TET1: variants seen among roughly 807,000 people sequenced by gnomAD.
TET1 encodes the protein methylcytosine dioxygenase TET1.
Under a neutral mutation model 148.7 loss-of-function variants are expected in TET1, and 13 were observed. That is an observed-to-expected ratio of 0.09 (90% CI 0.06 to 0.14). The LOEUF (loss-of-function observed/expected upper bound fraction) is 0.14. Among genes scored for constraint, TET1 ranks in the 10% least tolerant of loss-of-function variants. The pLI is 1.00. For missense variants in TET1, 2,182 were observed against 2,553.8 expected, an observed-to-expected ratio of 0.85 and a Z score of 3.14; for synonymous variants, 907 against 937.2, an observed-to-expected ratio of 0.97 and a Z score of 0.59.
intron 2 of TET1, among the ~76,000 whole-genome samples, chr10:68,595,955 TATATATACACAC>T (rs1452814261): frequency 1.0e-3 from 34 of 33,444 alleles, no homozygotes; most frequent in East Asian, 3.1e-3. Context: ...TATATATATA[TATATATACACAC>T]ACACACACAC....
intron 1 of TET1, among the ~76,000 whole-genome samples, chr10:68,568,297 C>T (rs896253282): frequency 1.4e-5 from 2 of 146,228 alleles, no homozygotes; most frequent in Non-Finnish European, 3.0e-5. Flanking sequence ...ATCTTGGCTC[C>T]CTGCAACCTC....
At chr10:68,566,166 G>T (rs2053605631) in intron 1 of TET1, among the ~76,000 whole-genome samples, 1 of 152,176 alleles carries the variant, frequency 6.6e-6, no homozygotes, top group Admixed American at 6.5e-5. Flanking sequence ...GGCATACCCA[G>T]ATTACTTGCC....
chr10:68,657,229 T>C (rs1044975434), intron 6 of TET1, among the ~76,000 whole-genome samples: 4 of 151,822 alleles, frequency 2.6e-5, no homozygotes, highest in Admixed American at 2.0e-4. Flanking sequence ...CAGGCTGGAG[T>C]GCAGTGGCGT....
chr10:68,683,824 G>GCC (rs1489643937), intron 10 of TET1, among the ~76,000 whole-genome samples: 1 of 152,204 alleles, frequency 6.6e-6, no homozygotes, highest in African/African-American at 2.4e-5. Context: ...AGGCAACTGT[G>GCC]CCAATTATCA....
Position 68,573,004 on chromosome 10 carries a change from C to T in TET1, c.666C>T (p.Arg222=). 1 of 1,614,136 alleles carries T rather than the reference C, an allele frequency of 6.2e-7. No individual in the cohort carries two copies. The highest frequency in any genetic ancestry group is 8.5e-7 in the Non-Finnish European group (1 of 1,180,030). The part of the protein sequence containing the change: ...EILPGPLEGT[R]CGEGLFSEET... ...TTCCTGGGCCACTGGAAGGGACACG[C>T]TGTGGTGAAGGACTATTCTCTGAAG... The change falls in exon 2 of 12, where the codon CGC becomes CGT. Residue 222 remains arginine (R), a synonymous_variant. Coordinates refer to ENST00000373644, the MANE Select transcript of TET1 (RefSeq NM_030625.3).
chr10:68,603,022 A>C (rs1564962485), intron 3 of TET1, among the ~76,000 whole-genome samples: 1 of 152,196 alleles, frequency 6.6e-6, no homozygotes, highest in Non-Finnish European at 1.5e-5. Flanking sequence ...AAAAAAATGA[A>C]ACCTGTGTTT....
intron 3 of TET1, among the ~76,000 whole-genome samples, chr10:68,616,002 C>T (rs572898779): frequency 6.6e-6 from 1 of 152,174 alleles, no homozygotes; most frequent in South Asian, 2.1e-4. Flanking sequence ...ATAAGGACAT[C>T]TTAGCTTACT....
intron 3 of TET1, among the ~76,000 whole-genome samples, chr10:68,637,161 G>A (rs886862646): frequency 1.3e-5 from 2 of 151,908 alleles, no homozygotes; most frequent in South Asian, 2.1e-4. Flanking sequence ...ACCATGTTCC[G>A]CTAATTTTTG....
At chr10:68,581,018 A>C (rs1285352049) in intron 2 of TET1, among the ~76,000 whole-genome samples, 1 of 152,052 alleles carries the variant, frequency 6.6e-6, no homozygotes, top group African/African-American at 2.4e-5. Flanking sequence ...TCTCGTTTGA[A>C]GGTTGCCTGT....
At chr10:68,633,686 C>T (rs959182341) in intron 3 of TET1, among the ~76,000 whole-genome samples, 1 of 152,156 alleles carries the variant, frequency 6.6e-6, no homozygotes, top group African/African-American at 2.4e-5. Flanking sequence ...TCACCTTGGC[C>T]TTCCAAAGTG....
intron 4 of TET1, among the ~76,000 whole-genome samples, chr10:68,649,123 C>T (rs954681539): frequency 1.3e-5 from 2 of 152,174 alleles, no homozygotes; most frequent in African/African-American, 2.4e-5. Flanking sequence ...CTTGCCTTGA[C>T]TTGTTATTTT....
intron 3 of TET1, among the ~76,000 whole-genome samples, chr10:68,622,192 TCC>T (rs2054382446): frequency 2.6e-4 from 30 of 115,658 alleles, no homozygotes; most frequent in Admixed American, 1.1e-3. Context: ...CTTCCTTCCT[TCC>T]TTCCTTCCTT....
rs760731863 is a variant in TET1, at chr10:68,572,689, A to G, written c.351A>G (p.Gln117=). 1.9e-6 allele frequency: 3 copies of G among 1,613,688 alleles called. No individual in the cohort carries two copies. In the African/African-American group the frequency reaches 4.0e-5, roughly 22 times the overall value. The part of the protein sequence containing the change: ...RSTSLSRRLS[Q]PPLVVAKSKK... The stretch of plus-strand genomic sequence containing the variant: ...CCTCTCTTAGCAGGCGACTCTCCCA[A>G]CCCCCACTGGTCGTAGCCAAATCCA... The change falls in exon 2 of 12, where the codon CAA becomes CAG. Residue 117 remains glutamine, a synonymous_variant. Transcript: ENST00000373644.
intron 3 of TET1, among the ~76,000 whole-genome samples, chr10:68,624,649 T>TTTCTTTCC (rs2054436951): frequency 1.8e-5 from 1 of 55,880 alleles, no homozygotes; most frequent in African/African-American, 1.1e-4. Context: ...TCTTTCTTTC[T>TTTCTTTCC]TTCTTTCTTT....
Position 68,606,089 on chromosome 10 carries a change from A to T in TET1, c.1968+5055A>T, listed in dbSNP as rs531149015. Among the ~76,000 whole-genome samples, 3 of 152,316 alleles carry T rather than the reference A, an allele frequency of 2.0e-5. 1 individual carries two copies. Among genetic ancestry groups the T allele is most frequent in the Admixed American group, 2.0e-4 (3 of 15,284 alleles). On this transcript the variant is annotated intron_variant, in intron 3 of 11. Coordinates refer to ENST00000373644, the MANE Select transcript of TET1 (RefSeq NM_030625.3). ...AATTCTATTAAGCTATAAATAGGCCAGGTTCGGTGGCTCATGTCTGTAATC... is the reference window on the plus strand; with the variant it reads ...AATTCTATTAAGCTATAAATAGGCCTGGTTCGGTGGCTCATGTCTGTAATC...
intron 3 of TET1, among the ~76,000 whole-genome samples, chr10:68,642,875 G>T (rs563887134): frequency 1.3e-5 from 2 of 152,274 alleles, no homozygotes; most frequent in East Asian, 3.9e-4. Flanking sequence ...AAAGTGCTAG[G>T]ATTACAGGTA....
At chr10:68,670,520 A>G (rs1049505059) in intron 7 of TET1, among the ~76,000 whole-genome samples, 2 of 152,192 alleles carry the variant, frequency 1.3e-5, no homozygotes, top group Non-Finnish European at 2.9e-5. Flanking sequence ...TTGTCCCACT[A>G]TTGGTGTTGT....
Position 68,651,464 on chromosome 10 carries a change from G to A in TET1, c.4277-382G>A, listed in dbSNP as rs564767229. The stretch of plus-strand genomic sequence containing the variant: ...AGACTCTGTCTCAAAAAAAAAAGGG[G>A]ATTGCTCAATTTTAATAGGATTCTA... On this transcript the variant is annotated intron_variant, in intron 4 of 11. Transcript: ENST00000373644. Among the ~76,000 whole-genome samples, 293 of 152,044 alleles carry A rather than the reference G, an allele frequency of 1.9e-3. 1 individual carries two copies. The highest frequency in any genetic ancestry group is 6.7e-3 in the African/African-American group (278 of 41,496).
At position 68,645,135 on chromosome 10, in the gene TET1, C is replaced by A; in HGVS notation, c.2406C>A (p.Asn802Lys). The A allele has an allele frequency of 6.2e-7, 1 of 1,613,928 alleles. No homozygotes were observed. Among genetic ancestry groups the A allele is most frequent in the Non-Finnish European group, 8.5e-7 (1 of 1,179,834 alleles). ...TAAAAGACACTGCAAACCATAAAAA[C>A]GCTATGAGCTCTGTTGCTACTGATA... is the stretch of plus-strand genomic sequence containing the variant. ...KFLKDTANHKNAMSSVATDMS... is the reference protein window; with the variant it reads ...KFLKDTANHKKAMSSVATDMS... The change falls in exon 4 of 12, where the codon AAC becomes AAA. Residue 802 changes from asparagine to lysine, a missense_variant. Around this residue, in one of 11 missense-constraint regions of TET1, gnomAD observed 226 missense variants for 307.4 expected, o/e 0.74. Transcript: ENST00000373644.
Sources: allele counts gnomAD v4.1 joint callset (sites outside exome capture counted in the v4.1 genomes callset), GRCh38; gene constraint gnomAD v4.1.1; regional missense constraint gnomAD v4.1.1; transcripts MANE v1.5; gene names NCBI Gene and HGNC (gene_info 2026-07-23, HGNC 2026-07-21).